KCNU1: variants seen among roughly 807,000 people sequenced by gnomAD.
KCNU1 encodes potassium calcium-activated channel subfamily U member 1.
In KCNU1, 93 loss-of-function variants were observed where a neutral mutation model predicts 126.8. That is an observed-to-expected ratio of 0.73 (90% CI 0.62 to 0.87). KCNU1 has a LOEUF of 0.87. KCNU1 is among the 40% of genes least tolerant of loss of function. KCNU1 has a pLI of 0.00. For synonymous variants in KCNU1, 523 were observed against 494.2 expected (o/e 1.06, Z -0.77); for missense variants, 1,330 against 1,367.1 (o/e 0.97, Z 0.43).
chr8:36,845,507 A>G, intron 16 of KCNU1, 73 bp from the exon 17 acceptor site: 1 of 835,088 alleles, frequency 1.2e-6, no homozygotes, highest in South Asian at 1.5e-5. Context: ...ATTGATCATA[A>G]CAGAAAGAGG....
intron 11 of KCNU1, 114 bp from the exon 12 acceptor site, chr8:36,834,672 T>C: frequency 1.6e-6 from 1 of 634,826 alleles, no homozygotes; most frequent in South Asian, 2.0e-5. Flanking sequence ...CCCAAGTGTG[T>C]CCTCTTTTGT....
chr8:36,815,787 A>G lies in KCNU1; in HGVS notation c.995+100A>G, dbSNP rs1037979972. ...TTGTCTGGCTTAGCTGTAGAACCCA[A>G]GGTGAATATATCAGCAACATCCCGT... On this transcript the variant is annotated intron_variant, in intron 9 of 26. Coordinates refer to ENST00000399881, the MANE Select transcript of KCNU1 (RefSeq NM_001031836.3). The G allele has an allele frequency of 8.9e-6, 6 of 671,114 alleles. No homozygotes were observed. In the Admixed American group the frequency reaches 1.6e-4, roughly 18 times the overall value. 41.6% of individuals were successfully genotyped at this position (671,114 alleles called of 1,614,324 possible). A position where few individuals can be genotyped will look rare whatever the true frequency, so the allele number is the denominator to read the frequency against.
intron 19 of KCNU1, chr8:36,889,270 A>G: frequency 3.8e-6 from 2 of 531,618 alleles, no homozygotes; most frequent in Non-Finnish European, 7.7e-6. Flanking sequence ...GACCCCATAT[A>G]TGATTTTTTA....
chr8:36,827,886 G>A (rs1385835234), intron 10 of KCNU1, among the ~76,000 whole-genome samples: 1 of 152,076 alleles, frequency 6.6e-6, no homozygotes, highest in Non-Finnish European at 1.5e-5. Context: ...TAGAGACTTG[G>A]CTTTAAGGAA....
chr8:36,793,763 C>T (rs1217324652), intron 2 of KCNU1, among the ~76,000 whole-genome samples: 2 of 151,988 alleles, frequency 1.3e-5, no homozygotes, highest in African/African-American at 2.4e-5. Context: ...TATTCTTAAA[C>T]GTCTATATAT....
chr8:36,847,990 T>C (rs1486904070), intron 18 of KCNU1, among the ~76,000 whole-genome samples: 2 of 152,218 alleles, frequency 1.3e-5, no homozygotes, highest in African/African-American at 4.8e-5. Context: ...TTTTGTTTTT[T>C]GTCTTTTTCA....
intron 23 of KCNU1, among the ~76,000 whole-genome samples, chr8:36,919,690 C>T (rs186580333): frequency 1.4e-4 from 22 of 152,282 alleles, no homozygotes; most frequent in South Asian, 8.3e-4. Context: ...GTGCCACTAG[C>T]GCAGATTGAA....
intron 19 of KCNU1, chr8:36,888,522 C>A (rs753174172): frequency 1.5e-5 from 8 of 531,730 alleles, no homozygotes; most frequent in South Asian, 1.1e-4. Flanking sequence ...GAGATGTTCT[C>A]TGACATTTAC....
chr8:36,841,120 T>C, intron 16 of KCNU1, 117 bp downstream of exon 16: 1 of 711,726 alleles, frequency 1.4e-6, no homozygotes, highest in Non-Finnish European at 2.4e-6. Flanking sequence ...CTTTTTCCCT[T>C]TGGTGGATTG....
At chr8:36,934,083 A>G (rs1808782988) in intron 26 of KCNU1, among the ~76,000 whole-genome samples, 1 of 152,094 alleles carries the variant, frequency 6.6e-6, no homozygotes, top group South Asian at 2.1e-4. Context: ...GGAGTGAGAG[A>G]GAAAGTATGA....
chr8:36,916,100 G>GGGAA (rs371343551), intron 22 of KCNU1, among the ~76,000 whole-genome samples: 206 of 145,206 alleles, frequency 1.4e-3, no homozygotes, highest in African/African-American at 4.8e-3. Flanking sequence ...AGGAGAAGAA[G>GGGAA]GGAAGGAAGG....
chr8:36,932,266 T>C (rs1808725282), intron 25 of KCNU1, among the ~76,000 whole-genome samples: 1 of 152,150 alleles, frequency 6.6e-6, no homozygotes, highest in Admixed American at 6.6e-5. Flanking sequence ...CCCAGGAAAC[T>C]GTTGCTAGCA....
chr8:36,850,882 A>T (rs1392507890), intron 18 of KCNU1, among the ~76,000 whole-genome samples: 3 of 152,228 alleles, frequency 2.0e-5, no homozygotes, highest in African/African-American at 7.2e-5. Flanking sequence ...GTCAAAAAAC[A>T]ATTGACTTTA....
At chr8:36,789,329 A>G (rs1393317446) in intron 2 of KCNU1, among the ~76,000 whole-genome samples, 1 of 151,842 alleles carries the variant, frequency 6.6e-6, no homozygotes, top group Non-Finnish European at 1.5e-5. Context: ...ATGCCACTGC[A>G]CTCCAGCCTA....
intron 19 of KCNU1, among the ~76,000 whole-genome samples, chr8:36,865,773 C>CAAA (rs538090899): frequency 1.3e-3 from 81 of 61,256 alleles, no homozygotes; most frequent in African/African-American, 2.1e-3. Context: ...AAGAGCTTGT[C>CAAA]AAAAAAAAAA....
chr8:36,912,993 T>C (rs1585555668), intron 22 of KCNU1, among the ~76,000 whole-genome samples: 1 of 121,394 alleles, frequency 8.2e-6, no homozygotes, highest in Middle Eastern at 4.4e-3. Flanking sequence ...TATAAATCCA[T>C]ATACAAATGA....
At chr8:36,928,255 CAT>C (rs1202674818) in intron 24 of KCNU1, among the ~76,000 whole-genome samples, 1 of 152,060 alleles carries the variant, frequency 6.6e-6, no homozygotes, top group Non-Finnish European at 1.5e-5. Flanking sequence ...ATGTAAAGCA[CAT>C]GTTTTCCTAG....
chr8:36,813,975 A>G (rs1010117982), intron 7 of KCNU1, among the ~76,000 whole-genome samples: 1 of 152,156 alleles, frequency 6.6e-6, no homozygotes, highest in Non-Finnish European at 1.5e-5. Flanking sequence ...TGCAGCTACA[A>G]GCCCCCTCAG....
At chr8:36,890,632 T>C (rs1806925713) in intron 19 of KCNU1, among the ~76,000 whole-genome samples, 1 of 152,020 alleles carries the variant, frequency 6.6e-6, no homozygotes, top group African/African-American at 2.4e-5. Context: ...ACAAATGTGG[T>C]AGACATTAAT....
Sources: allele counts gnomAD v4.1 joint callset (sites outside exome capture counted in the v4.1 genomes callset), GRCh38; gene constraint gnomAD v4.1.1; transcripts MANE v1.5; gene names NCBI Gene and HGNC (gene_info 2026-07-23, HGNC 2026-07-21).